NCOA3: variants seen among roughly 807,000 people sequenced by gnomAD.
NCOA3 encodes the protein CBP-interacting protein.
Under a neutral mutation model 158.8 loss-of-function variants are expected in NCOA3, and 51 were observed. That is an observed-to-expected ratio of 0.32 (90% CI 0.26 to 0.41). The LOEUF (loss-of-function observed/expected upper bound fraction) is 0.41, where lower values mean the gene tolerates loss of function less well. NCOA3 is among the 10% of genes least tolerant of loss of function. The probability of loss-of-function intolerance (pLI) is 1.00; values close to 1 mark genes in which losing one functional copy is unlikely to be tolerated. For missense variants in NCOA3, 1,510 were observed against 1,746.6 expected (o/e 0.86, Z 2.41); for synonymous variants, 537 against 592.4 (o/e 0.91, Z 1.36).
intron 1 of NCOA3, among the ~76,000 whole-genome samples, chr20:47,503,299 A>C (rs763253054): frequency 6.6e-6 from 1 of 152,250 alleles, no homozygotes; most frequent in African/African-American, 2.4e-5. Context: ...AATGCTGCAC[A>C]AACGAAAATG....
chr20:47,625,174 T>A (rs1025059899), intron 4 of NCOA3, among the ~76,000 whole-genome samples: 6 of 152,196 alleles, frequency 3.9e-5, no homozygotes, highest in African/African-American at 1.4e-4. Context: ...GTGAAATGAT[T>A]TAGGTATCTT....
At chr20:47,570,816 A>C (rs1444419980) in intron 1 of NCOA3, among the ~76,000 whole-genome samples, 1 of 151,728 alleles carries the variant, frequency 6.6e-6, no homozygotes, top group Admixed American at 6.6e-5. Context: ...AAATTGCTCC[A>C]TAATCCATGG....
chr20:47,620,362 G>C (rs1045844556), intron 2 of NCOA3, among the ~76,000 whole-genome samples: 2 of 152,152 alleles, frequency 1.3e-5, no homozygotes, highest in Non-Finnish European at 2.9e-5. Context: ...CAAACTGCCT[G>C]AGCCTCCCAA....
intron 6 of NCOA3, 22 bp from the exon 7 acceptor site, chr20:47,627,539 C>T: frequency 6.4e-7 from 1 of 1,573,188 alleles, no homozygotes; most frequent in South Asian, 1.2e-5. Context: ...TTTAAAATGT[C>T]ATTTCAATTT....
intron 2 of NCOA3, among the ~76,000 whole-genome samples, chr20:47,599,716 C>T (rs1403254015): frequency 6.6e-6 from 1 of 152,146 alleles, no homozygotes; most frequent in Non-Finnish European, 1.5e-5. Flanking sequence ...ATTGCACTCA[C>T]TTCAAATTTT....
chr20:47,649,246 A>C (rs2086741812), intron 19 of NCOA3, 137 bp downstream of exon 19: 5 of 540,290 alleles, frequency 9.3e-6, no homozygotes, highest in Non-Finnish European at 1.6e-5. Context: ...AGTCGCATTA[A>C]AGACTTTCGA....
chr20:47,640,668 CAGG>C (rs2146329326), intron 16 of NCOA3, among the ~76,000 whole-genome samples: 1 of 148,794 alleles, frequency 6.7e-6, no homozygotes, highest in East Asian at 2.0e-4. Flanking sequence ...ATCACAAGGT[CAGG>C]AGATCGAGAC....
intron 2 of NCOA3, among the ~76,000 whole-genome samples, chr20:47,597,702 T>C (rs1486852208): frequency 3.3e-5 from 5 of 151,892 alleles, no homozygotes; most frequent in African/African-American, 1.2e-4. Flanking sequence ...TTGTCCAGGC[T>C]GGTCTTGAAC....
intron 1 of NCOA3, among the ~76,000 whole-genome samples, chr20:47,567,423 A>G (rs1043368446): frequency 6.7e-6 from 1 of 149,616 alleles, no homozygotes; most frequent in African/African-American, 2.5e-5. Context: ...AAGAGCTAGG[A>G]TGTTATACTA....
Position 47,548,417 on chromosome 20 carries a change from G to A in NCOA3, c.-98-34766G>A, listed in dbSNP as rs187286929. Among the ~76,000 whole-genome samples the A allele has an allele frequency of 1.5e-3, 231 of 151,892 alleles. 2 individuals carry two copies. The highest frequency in any genetic ancestry group is 5.2e-3 in the African/African-American group (217 of 41,416). ...AAATTAGCTGGGCATGGTGGCAGGC[G>A]CCTGTAATCTCAGCTACTCGGGAGG... On this transcript the variant is annotated intron_variant, in intron 1 of 22. Coordinates refer to ENST00000371998, the MANE Select transcript of NCOA3 (RefSeq NM_181659.3).
chr20:47,574,171 C>T (rs941308779), intron 1 of NCOA3, among the ~76,000 whole-genome samples: 7 of 151,954 alleles, frequency 4.6e-5, no homozygotes, highest in East Asian at 3.9e-4. Flanking sequence ...GTCATACAAC[C>T]GCTAAAAATA....
chr20:47,518,530 A>C, intron 1 of NCOA3, among the ~76,000 whole-genome samples: 1 of 149,754 alleles, frequency 6.7e-6, no homozygotes, highest in Non-Finnish European at 1.5e-5. Context: ...TTTTCAAGAG[A>C]TTCTCCTGCC....
At chr20:47,561,825 C>G (rs2085111334) in intron 1 of NCOA3, among the ~76,000 whole-genome samples, 1 of 152,122 alleles carries the variant, frequency 6.6e-6, no homozygotes, top group Non-Finnish European at 1.5e-5. Flanking sequence ...GTTGTATATT[C>G]TGTGAGTTTA....
Position 47,502,033 on chromosome 20 carries a change from A to AAGG in NCOA3, c.-99+21_-99+23dup. On this transcript the variant is annotated intron_variant, in intron 1 of 22. Transcript: ENST00000371998. ...TGGCGGCGGGAGGTGAGTGGAGATA[A>AAGG]AGGAGGAGGCGGTGGCGGGCGAGGG... 2 of 398,948 alleles carry AAGG rather than the reference A, an allele frequency of 5.0e-6. No individual in the cohort carries two copies. Among genetic ancestry groups the AAGG allele is most frequent in the Admixed American group, 8.8e-5 (2 of 22,706 alleles). The allele number at this position is 398,948 out of a possible 1,614,324, so 24.7% of individuals were successfully genotyped here. A position where few individuals can be genotyped will look rare whatever the true frequency, so the allele number is the denominator to read the frequency against.
intron 1 of NCOA3, among the ~76,000 whole-genome samples, chr20:47,535,156 G>C (rs2084611892): frequency 1.3e-5 from 2 of 152,122 alleles, no homozygotes; most frequent in African/African-American, 4.8e-5. Context: ...AAACTCCTGG[G>C]CTCAAGGAAT....
chr20:47,584,272 G>A (rs1242183056), intron 2 of NCOA3, among the ~76,000 whole-genome samples: 1 of 152,110 alleles, frequency 6.6e-6, no homozygotes, highest in East Asian at 1.9e-4. Flanking sequence ...TTCAGCATGG[G>A]CAACAGTATG....
chr20:47,650,889 G>A, intron 19 of NCOA3, 93 bp from the exon 20 acceptor site: 1 of 1,242,096 alleles, frequency 8.1e-7, no homozygotes, highest in Non-Finnish European at 1.2e-6. Flanking sequence ...GGTGTTTTCT[G>A]TCTTATACCT....
At chr20:47,617,308 G>C (rs2284321) in intron 2 of NCOA3, among the ~76,000 whole-genome samples, 20,422 of 152,186 alleles carry the variant, frequency 0.13, 1,962 homozygotes, top group African/African-American at 0.26. Context: ...TATATTATTT[G>C]CCCTTTGAAG....
At chr20:47,632,730 C>T (rs6012229) in intron 8 of NCOA3, among the ~76,000 whole-genome samples, 19,564 of 147,832 alleles carry the variant, frequency 0.13, 1,867 homozygotes, top group African/African-American at 0.26. Flanking sequence ...ATTGCCAGGC[C>T]GGAGTGCGGT....
Sources: allele counts gnomAD v4.1 joint callset (sites outside exome capture counted in the v4.1 genomes callset), GRCh38; gene constraint gnomAD v4.1.1; transcripts MANE v1.5; gene names NCBI Gene and HGNC (gene_info 2026-07-23, HGNC 2026-07-21).